MADD: variants seen among roughly 807,000 people sequenced by gnomAD.
The protein encoded by MADD is MAP kinase activating death domain.
MADD carries 109 observed loss-of-function variants against 176.7 expected under a neutral mutation model. The ratio of observed to expected loss-of-function variants is 0.62; its 90% CI spans 0.53 to 0.72. MADD has a LOEUF of 0.72. Among genes scored for constraint, MADD ranks in the 30% least tolerant of loss-of-function variants. The pLI is 0.00. For synonymous variants in MADD, 771 were observed against 771.3 expected (o/e 1.00, Z 0.01); for missense variants, 1,914 against 2,045.5 (o/e 0.94, Z 1.24).
intron 23 of MADD, chr11:47,309,032 C>T: frequency 4.3e-6 from 7 of 1,614,008 alleles, no homozygotes; most frequent in Non-Finnish European, 5.9e-6. Flanking sequence ...CTATGGAGAC[C>T]TTTTCTATAA....
chr11:47,311,276 C>T (rs2140984900), intron 25 of MADD, among the ~76,000 whole-genome samples: 1 of 152,068 alleles, frequency 6.6e-6, no homozygotes, highest in Admixed American at 6.6e-5. Flanking sequence ...GTAAGTTGCA[C>T]TGTACTCTGT....
In MADD at chr11:47,282,526, G is replaced by A. The variant is rs367752738; in HGVS notation, c.1615G>A (p.Ala539Thr). The change falls in exon 9 of 33, where the codon GCC becomes ACC. Residue 539 changes from alanine to threonine, a missense_variant. This residue lies in a region of MADD where 1,767 missense variants were observed against 1,836.0 expected (regional missense o/e 0.96). Transcript: ENST00000402192. ...CTCACGTCCCCGGCAGACTCCTTTT[G>A]CCGAGAAATTGGCCAGGACTCAGGC... 17 of 1,614,162 alleles carry A rather than the reference G, an allele frequency of 1.1e-5. No homozygotes were observed. Among genetic ancestry groups the A allele is most frequent in the South Asian group, 5.5e-5 (5 of 91,074 alleles).
chr11:47,308,385 G>C (rs890298619), intron 22 of MADD, among the ~76,000 whole-genome samples: 13 of 152,214 alleles, frequency 8.5e-5, no homozygotes, highest in Admixed American at 8.5e-4. Context: ...AAGGAGTAAA[G>C]ATAAGTCAAA....
intron 12 of MADD, 117 bp downstream of exon 12, chr11:47,284,682 C>A: frequency 7.3e-7 from 1 of 1,368,032 alleles, no homozygotes; most frequent in Non-Finnish European, 9.9e-7. Context: ...TCTCATCTTC[C>A]TCTTCATGGG....
chr11:47,281,092 C>T (rs192996835), intron 7 of MADD, among the ~76,000 whole-genome samples: 4 of 152,318 alleles, frequency 2.6e-5, no homozygotes, highest in African/African-American at 9.6e-5. Flanking sequence ...CTGCTGCTCT[C>T]GACCAGTGGT....
exon 33 of MADD, chr11:47,329,368 C>T (rs562518191): frequency 8.8e-5 from 51 of 576,284 alleles, no homozygotes; most frequent in Non-Finnish European, 1.3e-4. Flanking sequence ...ACCAAACTGC[C>T]TTCCCCTCAG....
chr11:47,328,830 G>C, intron 32 of MADD, 126 bp downstream of exon 36: 1 of 1,279,556 alleles, frequency 7.8e-7, no homozygotes, highest in Non-Finnish European at 1.1e-6. Flanking sequence ...TGTTGCCAAA[G>C]GTTCAACTCA....
chr11:47,273,682 C>T (rs188288378), intron 1 of MADD, 145 bp from the exon 2 acceptor site: 20 of 448,734 alleles, frequency 4.5e-5, no homozygotes, highest in Middle Eastern at 5.9e-4. Flanking sequence ...AGCCTAGACA[C>T]GAGGCTAGGC....
At chr11:47,328,116 C>T (rs926921568) in intron 31 of MADD, 5 of 1,003,274 alleles carry the variant, frequency 5.0e-6, no homozygotes, top group African/African-American at 1.7e-5. Flanking sequence ...ACTGCCACAT[C>T]CTGTGGGTTT....
At chr11:47,283,392 C>T (rs1240866958) in intron 10 of MADD, among the ~76,000 whole-genome samples, 1 of 151,384 alleles carries the variant, frequency 6.6e-6, no homozygotes, top group East Asian at 2.0e-4. Context: ...CGCGCCCGGC[C>T]TTATTTATTT....
chr11:47,284,418 G>T (rs766770089), exon 12 of MADD: 1 of 1,614,194 alleles, frequency 6.2e-7, no homozygotes, highest in Non-Finnish European at 8.5e-7. Flanking sequence ...ATGCCAGCGA[G>T]GTGGAGATTG....
chr11:47,317,732 A>G (rs140727514), intron 27 of MADD, among the ~76,000 whole-genome samples: 270 of 151,328 alleles, frequency 1.8e-3, no homozygotes, highest in African/African-American at 6.3e-3. Flanking sequence ...GATTTTGCCT[A>G]TGGTATTTTT....
At chr11:47,296,082 A>T (rs1405800624) in intron 22 of MADD, 27 bp downstream of exon 24, 1 of 1,504,780 alleles carries the variant, frequency 6.6e-7, no homozygotes, top group Admixed American at 1.9e-5. Flanking sequence ...AACAAAAGAA[A>T]ACCATTTCTT....
intron 22 of MADD, among the ~76,000 whole-genome samples, chr11:47,299,612 T>TA (rs1555067447): frequency 3.5e-5 from 2 of 56,620 alleles, no homozygotes; most frequent in African/African-American, 1.0e-4. Flanking sequence ...TTTTTTTTTT[T>TA]AGATGGAACC....
rs2095413578 is a variant in MADD at position 47,325,967 on chromosome 11, A to C, written c.4543-771A>C. Among the ~76,000 whole-genome samples the C allele has an allele frequency of 6.6e-6, 1 of 152,178 alleles. No homozygotes were observed. On this transcript the variant is annotated intron_variant, in intron 30 of 32. Coordinates refer to ENST00000402192, the Ensembl canonical transcript of MADD. The surrounding 1 kb of genome is among the most constrained non-coding windows in gnomAD (Gnocchi z 4.5). ...CGACCTGCCCCCTATTCTGCCACAC[A>C]GTGTTCAGTTGGAGTGGAGGAGGCA... is the stretch of plus-strand genomic sequence containing the variant.
chr11:47,313,916 C>T (rs1035474990), intron 26 of MADD, among the ~76,000 whole-genome samples: 2 of 151,982 alleles, frequency 1.3e-5, no homozygotes, highest in East Asian at 1.9e-4. Context: ...CCCGCCACAA[C>T]GCCCGGCTAA....
rs371893370 is a variant in MADD at position 47,289,817 on chromosome 11, T to A, written c.2757-50T>A. The stretch of plus-strand genomic sequence containing the variant: ...TCTAGTCTGGGTGAAAGGTGGGGGG[T>A]GCTCTGCAAAGGAGCTGATGACCAC... On this transcript the variant is annotated intron_variant, in intron 16 of 32. Coordinates refer to ENST00000402192, the Ensembl canonical transcript of MADD. The A allele has an allele frequency of 8.2e-6, 13 of 1,594,228 alleles. No individual in the cohort carries two copies. In the African/African-American group the frequency reaches 1.6e-4, roughly 20 times the overall value.
intron 22 of MADD, among the ~76,000 whole-genome samples, chr11:47,296,764 G>GTTTTTTTT (rs753454831): frequency 8.6e-6 from 1 of 116,916 alleles, no homozygotes; most frequent in South Asian, 2.7e-4. Flanking sequence ...GTTTTTTGTT[G>GTTTTTTTT]TTTTTTTTTT....
At chr11:47,300,993 G>T (rs1168725759) in intron 22 of MADD, among the ~76,000 whole-genome samples, 2 of 136,226 alleles carry the variant, frequency 1.5e-5, no homozygotes, top group Non-Finnish European at 3.2e-5. Context: ...TTTTGTTTTT[G>T]GTGTTTTCTT....
Sources: gnomAD v4.1 joint callset for allele counts (sites outside exome capture counted in the v4.1 genomes callset) on GRCh38, gnomAD v4.1.1 for gene constraint, gnomAD v4.1.1 regional missense constraint, Gnocchi (gnomAD v3.1) non-coding constraint, MANE v1.5 for transcripts, NCBI Gene and HGNC (gene_info 2026-07-23, HGNC 2026-07-21) for gene names.